PTPRM: variants seen among roughly 807,000 people sequenced by gnomAD.
The protein encoded by PTPRM is protein tyrosine phosphatase receptor type M, also known as receptor-type tyrosine-protein phosphatase mu.
PTPRM carries 47 observed loss-of-function variants against 186.7 expected under a neutral mutation model. The ratio of observed to expected loss-of-function variants is 0.25; its 90% CI spans 0.20 to 0.32. PTPRM has a LOEUF of 0.32. Ranked by LOEUF, PTPRM falls within the 10% of genes least tolerant of loss-of-function variation. The pLI is 1.00. For missense variants in PTPRM, 1,494 were observed against 1,865.0 expected, an observed-to-expected ratio of 0.80 and a Z score of 3.66; for synonymous variants, 668 against 674.9, an observed-to-expected ratio of 0.99 and a Z score of 0.16.
At chr18:8,249,388 AG>A (rs1320740915) in intron 17 of PTPRM, among the ~76,000 whole-genome samples, 26 of 152,354 alleles carry the variant, frequency 1.7e-4, no homozygotes, top group African/African-American at 4.6e-4. Flanking sequence ...GGGCTAACAA[AG>A]CCCACTAAAC....
At chr18:8,213,143 AT>A (rs2094030383) in intron 14 of PTPRM, among the ~76,000 whole-genome samples, 1 of 152,230 alleles carries the variant, frequency 6.6e-6, no homozygotes, top group Non-Finnish European at 1.5e-5. Context: ...ACATTTCATC[AT>A]AGGGTTTACA....
chr18:7,951,593 C>T (rs1273201068), intron 6 of PTPRM, among the ~76,000 whole-genome samples: 2 of 152,140 alleles, frequency 1.3e-5, no homozygotes, highest in African/African-American at 4.8e-5. Flanking sequence ...TATCTTGGCT[C>T]ACTGTGATAA....
At chr18:8,276,482 G>T (rs1260077816) in intron 19 of PTPRM, among the ~76,000 whole-genome samples, 1 of 152,108 alleles carries the variant, frequency 6.6e-6, no homozygotes, top group Non-Finnish European at 1.5e-5. Flanking sequence ...ACTTCCTCGT[G>T]GTGGTGGGAA....
intron 14 of PTPRM, among the ~76,000 whole-genome samples, chr18:8,207,578 C>G (rs1387676326): frequency 2.6e-5 from 4 of 151,996 alleles, no homozygotes; most frequent in Non-Finnish European, 5.9e-5. Context: ...ACAGTAAAAT[C>G]CAAATGTCAT....
chr18:7,998,811 C>T (rs751653701), intron 7 of PTPRM, among the ~76,000 whole-genome samples: 11 of 152,178 alleles, frequency 7.2e-5, no homozygotes, highest in South Asian at 2.1e-4. Flanking sequence ...TGTGCCACCA[C>T]GCCTGGCTAA....
chr18:7,820,671 G>T (rs981783189), intron 2 of PTPRM, among the ~76,000 whole-genome samples: 1 of 152,096 alleles, frequency 6.6e-6, no homozygotes, highest in East Asian at 1.9e-4. Flanking sequence ...TCCCTGGAAG[G>T]TTCCAGGCCT....
chr18:7,865,563 G>A (rs780868839), intron 2 of PTPRM, among the ~76,000 whole-genome samples: 3 of 152,182 alleles, frequency 2.0e-5, no homozygotes, highest in African/African-American at 7.2e-5. Flanking sequence ...TAAGCTTTTT[G>A]ATGTGCTGCT....
At chr18:7,772,483 TTCCTTCCTTCCTTCC>T (rs2042373255) in intron 1 of PTPRM, among the ~76,000 whole-genome samples, 1 of 143,656 alleles carries the variant, frequency 7.0e-6, no homozygotes, top group African/African-American at 2.6e-5. Context: ...CCTTCCTTCC[TTCCTTCCTTCCTTCC>T]TTCCTTCTTT....
chr18:7,600,143 T>C (rs1188421451), intron 1 of PTPRM, among the ~76,000 whole-genome samples: 2 of 152,214 alleles, frequency 1.3e-5, no homozygotes, highest in Non-Finnish European at 2.9e-5. Flanking sequence ...TCTAGCTGTT[T>C]GCTGAAGGGT....
chr18:7,711,732 C>T (rs1057489753), intron 1 of PTPRM, among the ~76,000 whole-genome samples: 8 of 152,118 alleles, frequency 5.3e-5, no homozygotes, highest in Non-Finnish European at 7.4e-5. Context: ...TCCAATGGGG[C>T]GGAGGCCTCC....
At chr18:7,898,325 A>G (rs1434661903) in intron 3 of PTPRM, among the ~76,000 whole-genome samples, 1 of 152,218 alleles carries the variant, frequency 6.6e-6, no homozygotes, top group Non-Finnish European at 1.5e-5. Context: ...GACTTCCACC[A>G]GCACATTTTC....
rs2093476163 is a variant in PTPRM at position 8,176,069 on chromosome 18, A to T, written c.2300+32290A>T. On this transcript the variant is annotated intron_variant, in intron 14 of 32. Coordinates refer to ENST00000580170, the MANE Select transcript of PTPRM (RefSeq NM_001105244.2). ...AAGCAGTATTCACAAAGTATTAAAAATTAAAGATTTAGTCCATCTAATGTC... is the reference window on the plus strand; with the variant it reads ...AAGCAGTATTCACAAAGTATTAAAATTTAAAGATTTAGTCCATCTAATGTC... 2.0e-5 allele frequency among the ~76,000 whole-genome samples: 3 copies of T among 152,230 alleles called. No homozygotes were observed. The South Asian group carries it at 6.2e-4, about 32-fold the overall frequency.
chr18:7,999,665 C>G (rs2083752268), intron 7 of PTPRM, among the ~76,000 whole-genome samples: 1 of 151,578 alleles, frequency 6.6e-6, no homozygotes, highest in African/African-American at 2.4e-5. Flanking sequence ...TTGCACCAAC[C>G]TAATATAATG....
intron 1 of PTPRM, among the ~76,000 whole-genome samples, chr18:7,770,777 T>A (rs1381454767): frequency 6.6e-6 from 1 of 152,224 alleles, no homozygotes; most frequent in Non-Finnish European, 1.5e-5. Context: ...TTAATTCTGA[T>A]GTCATTTACT....
chr18:8,262,589 T>C (rs1689623868), intron 19 of PTPRM, among the ~76,000 whole-genome samples: 1 of 152,130 alleles, frequency 6.6e-6, no homozygotes, highest in South Asian at 2.1e-4. Flanking sequence ...GCCAAATCCC[T>C]TTGGACACAG....
chr18:7,582,866 G>C (rs1163084631), intron 1 of PTPRM, among the ~76,000 whole-genome samples: 1 of 152,170 alleles, frequency 6.6e-6, no homozygotes, highest in Non-Finnish European at 1.5e-5. Flanking sequence ...TTCAATCCCT[G>C]TGTCCCTGGG....
intron 22 of PTPRM, among the ~76,000 whole-genome samples, chr18:8,334,030 G>T (rs2095425550): frequency 6.6e-6 from 1 of 152,232 alleles, no homozygotes; most frequent in African/African-American, 2.4e-5. Context: ...CAGTGCTGCT[G>T]TAACAAAGGC....
At chr18:8,344,157 G>A (rs568427482) in intron 23 of PTPRM, among the ~76,000 whole-genome samples, 53 of 152,240 alleles carry the variant, frequency 3.5e-4, no homozygotes, top group Non-Finnish European at 6.8e-4. Context: ...GCGTGCAGTT[G>A]CCTTTTTTAC....
At chr18:7,695,669 T>C (rs1411312905) in intron 1 of PTPRM, among the ~76,000 whole-genome samples, 1 of 152,186 alleles carries the variant, frequency 6.6e-6, no homozygotes, top group African/African-American at 2.4e-5. Flanking sequence ...CTCAGAAGGC[T>C]TTCATATAGA....
Sources: allele counts gnomAD v4.1 joint callset (sites outside exome capture counted in the v4.1 genomes callset), GRCh38; gene constraint gnomAD v4.1.1; transcripts MANE v1.5; gene names NCBI Gene and HGNC (gene_info 2026-07-23, HGNC 2026-07-21).